Variants in SOWAHA observed in about 807,000 individuals in gnomAD.
The protein encoded by SOWAHA is sosondowah ankyrin repeat domain family member A, also known as ankyrin repeat domain-containing protein SOWAHA.
In SOWAHA, 17 loss-of-function variants were observed where a neutral mutation model predicts 21.1. The ratio of observed to expected loss-of-function variants is 0.80; its 90% CI spans 0.55 to 1.21. SOWAHA has a LOEUF of 1.21. Among genes scored for constraint, SOWAHA ranks in the 50% most tolerant of loss-of-function variants. The pLI is 0.00. For synonymous variants in SOWAHA, 422 were observed against 397.1 expected (o/e 1.06, Z -0.75); for missense variants, 862 against 816.0 (o/e 1.06, Z -0.69).
At position 132,814,475 on chromosome 5, in the gene SOWAHA, GC is replaced by G; in HGVS notation, c.857del (p.Pro286ArgfsTer4). 6.9e-7 allele frequency: 1 copy of G among 1,442,674 alleles called. No individual in the cohort carries two copies. The highest frequency in any genetic ancestry group is 9.0e-7 in the Non-Finnish European group (1 of 1,105,412). The allele number at this position is 1,442,674 out of a possible 1,614,324, so 89.4% of individuals were successfully genotyped here. A position where few individuals can be genotyped will look rare whatever the true frequency, so the allele number is the denominator to read the frequency against. On this transcript the variant is annotated frameshift_variant, in exon 1 of 1. Transcript: ENST00000378693. LOFTEE classifies it high-confidence loss of function. ...SPHLRRLSRAGPRLLSPDAEE... is the reference protein window; with the variant it reads ...SPHLRRLSRAXPRLLSPDAEE... ...CACCTGAGGCGCCTGTCGCGCGCCG[GC>G]CCGCGTCTGCTGAGCCCTGACGCCG...
chr5:132,816,573 C>T lies in SOWAHA; in HGVS notation c.*1302C>T, dbSNP rs1164826888. On this transcript the variant is annotated 3_prime_UTR_variant, in exon 1 of 1. Coordinates refer to ENST00000378693, the MANE Select transcript of SOWAHA (RefSeq NM_175873.6). ...GTTTTAAAGATATGAAATCTGTTTA[C>T]TCAACCAATTTTTTAAATGTCATAT... The T allele has an allele frequency of 6.0e-6, 1 of 167,044 alleles. No individual in the cohort carries two copies. Among genetic ancestry groups the T allele is most frequent in the Non-Finnish European group, 1.5e-5 (1 of 68,108 alleles). 10.3% of individuals were successfully genotyped at this position (167,044 alleles called of 1,614,324 possible).
In SOWAHA at chr5:132,813,907, C is replaced by G; in HGVS notation, c.286C>G (p.Pro96Ala). ...PEPEPAPFGP[P>A]GAAAQPSKPT... ...GCCCGAGCCCGCACCCTTCGGCCCC[C>G]CGGGGGCAGCGGCCCAGCCGTCGAA... Residue 96 changes from proline to alanine, a missense_variant, in exon 1 of 1, where the codon CCG becomes GCG. Pro to Ala is a conservative substitution (Grantham distance 27). Transcript: ENST00000378693. 6.5e-7 allele frequency: 1 copy of G among 1,547,428 alleles called. No individual in the cohort carries two copies. Among genetic ancestry groups the G allele is most frequent in the South Asian group, 1.2e-5 (1 of 83,930 alleles).
rs1035979914 is a variant in SOWAHA at position 132,813,417 on chromosome 5, C to G, written c.-205C>G. 6.6e-5 allele frequency among the ~76,000 whole-genome samples: 10 copies of G among 151,624 alleles called. No homozygotes were observed. The highest frequency in any genetic ancestry group is 2.2e-4 in the African/African-American group (9 of 41,352). The stretch of plus-strand genomic sequence containing the variant: ...GGCGGGGCGCTGGGGGTGGGCGCTC[C>G]CCGCGGCCCCCGGCGCCCTTCGCCC... On this transcript the variant is annotated 5_prime_UTR_variant, in exon 1 of 1. Transcript: ENST00000378693.
chr5:132,813,854 T>A lies in SOWAHA; in HGVS notation c.233T>A (p.Val78Glu). The part of the protein sequence containing the change: ...VKELDGVKFV[V>E]LRKKPRPPEP... The stretch of plus-strand genomic sequence containing the variant: ...GAGCTCGACGGCGTCAAGTTCGTGG[T>A]GCTGAGGAAGAAGCCCCGGCCCCCG... The change falls in exon 1 of 1, where the codon GTG becomes GAG. Residue 78 changes from valine (V) to glutamate (E), a missense_variant. By Grantham distance (121) the Val-to-Glu change is moderately radical. Coordinates refer to ENST00000378693, the MANE Select transcript of SOWAHA (RefSeq NM_175873.6). 1 of 1,548,986 alleles carries A rather than the reference T, an allele frequency of 6.5e-7. No individual in the cohort carries two copies. The highest frequency in any genetic ancestry group is 1.2e-5 in the South Asian group (1 of 84,048).
At position 132,813,902 on chromosome 5, in the gene SOWAHA, G is replaced by T. The variant is rs1561442461; in HGVS notation, c.281G>T (p.Gly94Val). The T allele has an allele frequency of 5.8e-6, 9 of 1,547,042 alleles. No individual in the cohort carries two copies. Among genetic ancestry groups the T allele is most frequent in the Non-Finnish European group, 7.9e-6 (9 of 1,145,618 alleles). Residue 94 changes from glycine (G) to valine (V), a missense_variant, in exon 1 of 1, where the codon GGC (glycine) becomes GTC (valine). By Grantham distance (109) the Gly-to-Val change is moderately radical. Transcript: ENST00000378693. ...CCGGAGCCCGAGCCCGCACCCTTCG[G>T]CCCCCCGGGGGCAGCGGCCCAGCCG... ...RPPEPEPAPF[G>V]PPGAAAQPSK... is the part of the protein sequence containing the mutation.
At position 132,815,490 on chromosome 5, in the gene SOWAHA, A is replaced by C. The variant is rs1199760185; in HGVS notation, c.*219A>C. The C allele has an allele frequency of 7.9e-6, 4 of 506,860 alleles. No individual in the cohort carries two copies. The highest frequency in any genetic ancestry group is 7.1e-5 in the South Asian group (2 of 28,076). The allele number at this position is 506,860 out of a possible 1,614,324, so 31.4% of individuals were successfully genotyped here. A position where few individuals can be genotyped will look rare whatever the true frequency, so the allele number is the denominator to read the frequency against. On this transcript the variant is annotated 3_prime_UTR_variant, in exon 1 of 1. Coordinates refer to ENST00000378693, the MANE Select transcript of SOWAHA (RefSeq NM_175873.6). ...TTTGAGAAATCAGTGAGAGCTTCCT[A>C]TAAAGAACTCCAGGAGACAGGCCTG...
At position 132,815,808 on chromosome 5, in the gene SOWAHA, AT is replaced by A. The variant is rs918053622; in HGVS notation, c.*547del. On this transcript the variant is annotated 3_prime_UTR_variant, in exon 1 of 1. Coordinates refer to ENST00000378693, the MANE Select transcript of SOWAHA (RefSeq NM_175873.6). Reference sequence around the variant, plus strand: ...TAGGCAAAGTGCTTAGACATTTTCAATTTTTTTTTTGCTAAATACTTTGGAA... The same window carrying A: ...TAGGCAAAGTGCTTAGACATTTTCAATTTTTTTTTGCTAAATACTTTGGAA... 2.1e-3 allele frequency: 345 copies of A among 163,494 alleles called. 3 individuals are homozygous for A. Among genetic ancestry groups the A allele is most frequent in the African/African-American group, 7.5e-3 (310 of 41,064 alleles). The allele number at this position is 163,494 out of a possible 1,614,324, so 10.1% of individuals were successfully genotyped here. A position where few individuals can be genotyped will look rare whatever the true frequency, so the allele number is the denominator to read the frequency against.
At position 132,815,229 on chromosome 5, in the gene SOWAHA, G is replaced by A. The variant is rs768472337; in HGVS notation, c.1608G>A (p.Gly536=). The A allele has an allele frequency of 8.7e-6, 14 of 1,613,274 alleles. No individual in the cohort carries two copies. The highest frequency in any genetic ancestry group is 1.2e-5 in the Non-Finnish European group (14 of 1,179,908). ...FSEISRRPTP[G]PLAGLVPSLP... is the part of the protein sequence containing the mutation. ...AAATCTCTCGTCGACCTACTCCGGG[G>A]CCTTTAGCTGGTCTAGTGCCCAGTT... The change falls in exon 1 of 1, where the codon GGG becomes GGA. Residue 536 remains glycine (G), a synonymous_variant. Coordinates refer to ENST00000378693, the MANE Select transcript of SOWAHA (RefSeq NM_175873.6).
Position 132,814,344 on chromosome 5 carries a change from G to A in SOWAHA, c.723G>A (p.Arg241=). The change falls in exon 1 of 1, where the codon CGG becomes CGA. Residue 241 remains arginine (R), a synonymous_variant. Transcript: ENST00000378693. ...GGGCGGAGGAGCCCGGCCTGCGCCG[G>A]CAGCTGTCGGAGGAGCCGAGCCCGC... ...RLRAEEPGLR[R]QLSEEPSPRS... The A allele has an allele frequency of 1.3e-6, 2 of 1,484,386 alleles. No individual in the cohort carries two copies. The highest frequency in any genetic ancestry group is 1.3e-5 in the South Asian group (1 of 78,488). 92.0% of individuals were successfully genotyped at this position (1,484,386 alleles called of 1,614,324 possible).
chr5:132,814,824 C>T lies in SOWAHA; in HGVS notation c.1203C>T (p.Ala401=), dbSNP rs372218297. The T allele has an allele frequency of 3.1e-4, 464 of 1,518,256 alleles. 2 individuals carry two copies. The African/African-American group carries it at 5.3e-3, about 17-fold the overall frequency. 94.0% of individuals were successfully genotyped at this position (1,518,256 alleles called of 1,614,324 possible). A position where few individuals can be genotyped will look rare whatever the true frequency, so the allele number is the denominator to read the frequency against. The part of the protein sequence containing the change: ...LAALHGHEDA[A]VLLVVRLGAQ... ...CACTGCACGGCCACGAGGACGCTGC[C>T]GTGCTGCTGGTGGTGCGTCTGGGTG... The change falls in exon 1 of 1, where the codon GCC becomes GCT. Residue 401 remains alanine, a synonymous_variant. Transcript: ENST00000378693.
rs1432683590 is a variant in SOWAHA at position 132,813,571 on chromosome 5, C to T, written c.-51C>T. The T allele has an allele frequency of 8.8e-7, 1 of 1,140,740 alleles. No homozygotes were observed. Among genetic ancestry groups the T allele is most frequent in the African/African-American group, 1.6e-5 (1 of 61,554 alleles). 70.7% of individuals were successfully genotyped at this position (1,140,740 alleles called of 1,614,324 possible). On this transcript the variant is annotated 5_prime_UTR_variant, in exon 1 of 1. Coordinates refer to ENST00000378693, the MANE Select transcript of SOWAHA (RefSeq NM_175873.6). Reference sequence around the variant, plus strand: ...CGGAACCCCGCTCCCGCGCGTCCCGCGGCGACGCGGCGCCCACCCGCCCCG... The same window carrying T: ...CGGAACCCCGCTCCCGCGCGTCCCGTGGCGACGCGGCGCCCACCCGCCCCG...
chr5:132,815,298 A>G lies in SOWAHA; in HGVS notation c.*27A>G, dbSNP rs1758373962. 1 of 1,586,006 alleles carries G rather than the reference A, an allele frequency of 6.3e-7. No individual in the cohort carries two copies. The highest frequency in any genetic ancestry group is 8.6e-7 in the Non-Finnish European group (1 of 1,162,652). The stretch of plus-strand genomic sequence containing the variant: ...GGTCCCTGGGGCTACCACCTGGTTG[A>G]TCTATCGTGGCCTGCTCGTCGCAGT... On this transcript the variant is annotated 3_prime_UTR_variant, in exon 1 of 1. Transcript: ENST00000378693.
In SOWAHA at chr5:132,814,702, A is replaced by T; in HGVS notation, c.1081A>T (p.Met361Leu). 5.3e-6 allele frequency: 8 copies of T among 1,511,938 alleles called. No individual in the cohort carries two copies. The highest frequency in any genetic ancestry group is 7.1e-6 in the Non-Finnish European group (8 of 1,134,342). 93.7% of individuals were successfully genotyped at this position (1,511,938 alleles called of 1,614,324 possible). ...GGCCGCCAAGAGCGGCGACGGCGAG[A>T]TGGCGCTGCAGCTGGTGGAGGTCGC... ...HWAAKSGDGE[M>L]ALQLVEVARR... is the part of the protein sequence containing the mutation. Residue 361 changes from methionine (M) to leucine (L), a missense_variant, in exon 1 of 1, where the codon ATG becomes TTG. Met to Leu is a conservative substitution (Grantham distance 15). Transcript: ENST00000378693.
At position 132,814,124 on chromosome 5, in the gene SOWAHA, T is replaced by C; in HGVS notation, c.503T>C (p.Leu168Pro). The change falls in exon 1 of 1, where the codon CTT (leucine) becomes CCT (proline). Residue 168 changes from leucine (L) to proline (P), a missense_variant. Coordinates refer to ENST00000378693, the MANE Select transcript of SOWAHA (RefSeq NM_175873.6). Reference sequence around the variant, plus strand: ...TCCGCCGACCCACCGCTTCCAGCCCTTGAGCTAGCCCAGGCCACCGAGAGA... The same window carrying C: ...TCCGCCGACCCACCGCTTCCAGCCCCTGAGCTAGCCCAGGCCACCGAGAGA... ...ERSADPPLPALELAQATERPS... is the reference protein window; with the variant it reads ...ERSADPPLPAPELAQATERPS... 6.3e-7 allele frequency: 1 copy of C among 1,599,320 alleles called. No homozygotes were observed.
Position 132,814,750 on chromosome 5 carries a change from G to A in SOWAHA, c.1129G>A (p.Asp377Asn). Reference protein sequence around the residue: ...EVARRSGAPVDVNARSHGGYT... With the variant: ...EVARRSGAPVNVNARSHGGYT... The stretch of plus-strand genomic sequence containing the variant: ...CGCGCGGCGCAGTGGCGCACCAGTC[G>A]ACGTGAACGCACGCTCCCACGGCGG... The change falls in exon 1 of 1, where the codon GAC becomes AAC. Residue 377 changes from aspartate to asparagine, a missense_variant. Transcript: ENST00000378693. The A allele has an allele frequency of 6.5e-7, 1 of 1,529,342 alleles. No homozygotes were observed. 94.7% of individuals were successfully genotyped at this position (1,529,342 alleles called of 1,614,324 possible).
At position 132,813,744 on chromosome 5, in the gene SOWAHA, G is replaced by T. The variant is rs1758330735; in HGVS notation, c.123G>T (p.Pro41=). 1.3e-6 allele frequency: 2 copies of T among 1,546,830 alleles called. No individual in the cohort carries two copies. The highest frequency in any genetic ancestry group is 1.7e-6 in the Non-Finnish European group (2 of 1,145,450). ...CCGAGCTGCTGAGCCGCTTCAAGCC[G>T]CTGCTCGATGCCGGCGACCCGCGGG... is the stretch of plus-strand genomic sequence containing the variant. The part of the protein sequence containing the change: ...RNSELLSRFK[P]LLDAGDPRGR... The change falls in exon 1 of 1, where the codon CCG becomes CCT. Residue 41 remains proline, a synonymous_variant. Coordinates refer to ENST00000378693, the MANE Select transcript of SOWAHA (RefSeq NM_175873.6).
chr5:132,814,029 T>A lies in SOWAHA; in HGVS notation c.408T>A (p.Gly136=), dbSNP rs202187865. The part of the protein sequence containing the change: ...PRPVEPPGDL[G]LPTEPQDTPG... The stretch of plus-strand genomic sequence containing the variant: ...CAGTGGAGCCGCCAGGGGACCTGGG[T>A]CTGCCAACAGAGCCACAGGACACCC... The change falls in exon 1 of 1, where the codon GGT becomes GGA. Residue 136 remains glycine (G), a synonymous_variant. Transcript: ENST00000378693. 1.9e-4 allele frequency: 295 copies of A among 1,548,760 alleles called. 3 individuals carry two copies. In the South Asian group the frequency reaches 3.3e-3, roughly 17 times the overall value.
In SOWAHA at chr5:132,816,551, T is replaced by G. The variant is rs1025214076; in HGVS notation, c.*1280T>G. On this transcript the variant is annotated 3_prime_UTR_variant, in exon 1 of 1. Coordinates refer to ENST00000378693, the MANE Select transcript of SOWAHA (RefSeq NM_175873.6). ...CAATACAGTGTAATTATTTTATGTT[T>G]TAAAGATATGAAATCTGTTTACTCA... is the stretch of plus-strand genomic sequence containing the variant. The G allele has an allele frequency of 6.0e-6, 1 of 167,148 alleles. No homozygotes were observed. The highest frequency in any genetic ancestry group is 2.4e-5 in the African/African-American group (1 of 41,472). The allele number at this position is 167,148 out of a possible 1,614,324, so 10.4% of individuals were successfully genotyped here. A position where few individuals can be genotyped will look rare whatever the true frequency, so the allele number is the denominator to read the frequency against.
chr5:132,814,890 C>G lies in SOWAHA; in HGVS notation c.1269C>G (p.Tyr423Ter). 2 of 1,541,032 alleles carry G rather than the reference C, an allele frequency of 1.3e-6. No individual in the cohort carries two copies. The highest frequency in any genetic ancestry group is 1.7e-6 in the Non-Finnish European group (2 of 1,143,256). ...GTGATCACAGCGGGCGTCGCGCCTA[C>G]CAGTACCTGCGGCCCGGCTCCTCGT... Reference protein sequence around the residue: ...HVRDHSGRRAYQYLRPGSSYA... With the variant: ...HVRDHSGRRA Residue 423 changes from tyrosine to a stop codon, truncating the protein, a stop_gained, in exon 1 of 1, where the codon TAC (tyrosine) becomes TAG (stop). Transcript: ENST00000378693. LOFTEE classifies it high-confidence loss of function.
Sources: allele counts gnomAD v4.1 joint callset (sites outside exome capture counted in the v4.1 genomes callset), GRCh38; gene constraint gnomAD v4.1.1; transcripts MANE v1.5; gene names NCBI Gene and HGNC (gene_info 2026-07-23, HGNC 2026-07-21).